The following TFRC variants were observed in gnomAD, a reference collection of about 807,000 sequenced individuals.
TFRC encodes transferrin receptor.
In TFRC, 35 loss-of-function variants were observed where a neutral mutation model predicts 85.8. The ratio of observed to expected loss-of-function variants is 0.41; its 90% confidence interval spans 0.31 to 0.54. The LOEUF is 0.54. Among genes scored for constraint, TFRC ranks in the 20% least tolerant of loss-of-function variants. The pLI, the probability that TFRC is intolerant of heterozygous loss-of-function variation, is 0.31. For missense variants in TFRC, 828 were observed against 921.5 expected (o/e 0.90, Z 1.31); for synonymous variants, 362 against 328.6 (o/e 1.10, Z -1.10).
At chr3:196,069,640 T>G in intron 6 of TFRC, 72 bp from the exon 7 acceptor site, 1 of 982,164 alleles carries the variant, frequency 1.0e-6, no homozygotes, top group Non-Finnish European at 1.5e-6. Context: ...GACAGAAGAG[T>G]GTTATAGATC....
intron 16 of TFRC, among the ~76,000 whole-genome samples, chr3:196,057,501 G>C (rs191581595): frequency 6.6e-6 from 1 of 152,216 alleles, no homozygotes; most frequent in East Asian, 1.9e-4. Flanking sequence ...TCTTTAACTC[G>C]GTGTCTGAGG....
At chr3:196,065,781 G>C (rs1717690909) in intron 9 of TFRC, among the ~76,000 whole-genome samples, 181 bp from the exon 10 acceptor site, 1 of 152,054 alleles carries the variant, frequency 6.6e-6, no homozygotes, top group Admixed American at 6.6e-5. Flanking sequence ...CACAAGGTCA[G>C]GAGTTCAAGA....
At chr3:196,070,272 T>C (rs889037875) in intron 6 of TFRC, among the ~76,000 whole-genome samples, 3 of 152,052 alleles carry the variant, frequency 2.0e-5, no homozygotes, top group African/African-American at 7.3e-5. Flanking sequence ...GTGATTTTTT[T>C]TTTTTTTTTG....
In TFRC at chr3:196,065,549, C is replaced by A; in HGVS notation, c.1092G>T (p.Arg364Ser). 6.2e-7 allele frequency: 1 copy of A among 1,612,550 alleles called. No homozygotes were observed. Among genetic ancestry groups the A allele is most frequent in the Admixed American group, 1.7e-5 (1 of 59,856 alleles). Residue 364 changes from arginine to serine, a missense_variant, in exon 10 of 19, where the codon AGG (arginine) becomes AGT (serine). Coordinates refer to ENST00000360110, the MANE Select transcript of TFRC (RefSeq NM_001128148.3). Reference protein sequence around the residue: ...PSDWKTDSTCRMVTSESKNVK... With the variant: ...PSDWKTDSTCSMVTSESKNVK... ...CATTCTTGCTTTCTGAGGTTACCAT[C>A]CTACATGTAGAGTCTGTTTTCCAGT...
At chr3:196,063,362 CTAAAA>C (rs1252545871) in intron 11 of TFRC, 1 of 152,952 alleles carries the variant, frequency 6.5e-6, no homozygotes, top group Non-Finnish European at 1.5e-5. Flanking sequence ...AAAAATAATT[CTAAAA>C]TAAAATAAAA....
At position 196,049,759 on chromosome 3, in the gene TFRC, T is replaced by A. The variant is rs41299376; in HGVS notation, c.*2183A>T. The stretch of plus-strand genomic sequence containing the variant: ...GAACCAGGAATCTCAGCTATGACCT[T>A]TTCACTTAGCTACGCTAAATGTCAG... On this transcript the variant is annotated 3_prime_UTR_variant, in exon 19 of 19. Transcript: ENST00000360110. The A allele has an allele frequency of 0.018, 4,145 of 230,220 alleles. 50 individuals are homozygous for A. The highest frequency in any genetic ancestry group is 0.027 in the Non-Finnish European group (3,108 of 116,136). The allele number at this position is 230,220 out of a possible 1,614,324, so 14.3% of individuals were successfully genotyped here. A position where few individuals can be genotyped will look rare whatever the true frequency, so the allele number is the denominator to read the frequency against.
intron 2 of TFRC, among the ~76,000 whole-genome samples, chr3:196,075,571 T>G (rs1414105475): frequency 6.6e-6 from 1 of 152,082 alleles, no homozygotes; most frequent in African/African-American, 2.4e-5. Context: ...TGTAAATTTT[T>G]TTTTTTTTTT....
intron 5 of TFRC, 44 bp from the exon 6 acceptor site, chr3:196,071,542 CA>C (rs760526518): frequency 6.5e-7 from 1 of 1,544,104 alleles, no homozygotes; most frequent in South Asian, 1.1e-5. Context: ...GTCATCCTTC[CA>C]AAAAACACAA....
At chr3:196,070,473 G>T (rs1042506660) in intron 6 of TFRC, among the ~76,000 whole-genome samples, 11 of 152,114 alleles carry the variant, frequency 7.2e-5, no homozygotes, top group African/African-American at 2.2e-4. Context: ...GGCCAGGCTG[G>T]TAGCTCTGAC....
intron 3 of TFRC, 106 bp downstream of exon 3, chr3:196,075,046 CAAAAAAA>C (rs56119775): frequency 1.1e-5 from 6 of 535,672 alleles, no homozygotes; most frequent in African/African-American, 9.4e-5. Context: ...CCTCTGTCTC[CAAAAAAA>C]AAAAAAAAAA....
Position 196,049,651 on chromosome 3 carries a change from G to T in TFRC, c.*2291C>A, listed in dbSNP as rs1260357756. 4 of 227,528 alleles carry T rather than the reference G, an allele frequency of 1.8e-5. No individual in the cohort carries two copies. Among genetic ancestry groups the T allele is most frequent in the Non-Finnish European group, 1.7e-5 (2 of 114,594 alleles). The allele number at this position is 227,528 out of a possible 1,614,324, so 14.1% of individuals were successfully genotyped here. ...GGGTTTTCTGAAGAGACTCACTGCTGCAAAATGCATGCCCTGTATTCATAT... is the reference window on the plus strand; with the variant it reads ...GGGTTTTCTGAAGAGACTCACTGCTTCAAAATGCATGCCCTGTATTCATAT... On this transcript the variant is annotated 3_prime_UTR_variant, in exon 19 of 19. Transcript: ENST00000360110.
chr3:196,075,089 C>T, intron 3 of TFRC, 70 bp downstream of exon 3: 1 of 1,047,834 alleles, frequency 9.5e-7, no homozygotes, highest in Non-Finnish European at 1.5e-6. Flanking sequence ...TAACTATATG[C>T]TGAGCTGACA....
intron 14 of TFRC, 55 bp downstream of exon 14, chr3:196,060,125 A>T: frequency 7.1e-7 from 1 of 1,411,264 alleles, no homozygotes. Context: ...TTTTTATCTC[A>T]GGTTGATTCA....
chr3:196,079,904 T>C (rs953984942), intron 1 of TFRC, among the ~76,000 whole-genome samples: 3 of 152,220 alleles, frequency 2.0e-5, no homozygotes, highest in African/African-American at 7.2e-5. Flanking sequence ...CAAGGCTTCA[T>C]CTCTATGAAG....
In TFRC at chr3:196,073,936, G is replaced by A. The variant is rs765116281; in HGVS notation, c.428C>T (p.Thr143Ile). 1 of 1,612,486 alleles carries A rather than the reference G, an allele frequency of 6.2e-7. No homozygotes were observed. The highest frequency in any genetic ancestry group is 8.5e-7 in the Non-Finnish European group (1 of 1,179,088). ...CACAGCAGCTGGCACTCACTTGATG[G>A]TGCCGGTGAAGTCTGTGCTGTCCAG... Reference protein sequence around the residue: ...EKLDSTDFTGTIKLLNENSYV... With the variant: ...EKLDSTDFTGIIKLLNENSYV... The change falls in exon 4 of 19, where the codon ACC (threonine) becomes ATC (isoleucine). Residue 143 changes from threonine to isoleucine, a missense_variant. Transcript: ENST00000360110.
In TFRC at chr3:196,060,197, C is replaced by T; in HGVS notation, c.1519G>A (p.Glu507Lys). 6.2e-7 allele frequency: 1 copy of T among 1,613,790 alleles called. No homozygotes were observed. Among genetic ancestry groups the T allele is most frequent in the East Asian group, 2.2e-5 (1 of 44,864 alleles). Residue 507 changes from glutamate to lysine, a missense_variant, in exon 14 of 19, where the codon GAG becomes AAG. Transcript: ENST00000360110. ...ATACTCACATTTTGCATTGTTTTCT[C>T]AATAAGCGTATACAACAGTGGGCTG... ...SASPLLYTLI[E>K]KTMQNVKHPV...
At chr3:196,072,218 T>G (rs1227158066) in intron 4 of TFRC, 66 bp from the exon 5 acceptor site, 4 of 1,573,646 alleles carry the variant, frequency 2.5e-6, no homozygotes, top group Non-Finnish European at 3.4e-6. Context: ...AAGTCAAGGA[T>G]TAAACAAATT....
At position 196,062,647 on chromosome 3, in the gene TFRC, T is replaced by C; in HGVS notation, c.1405-2A>G. ...TAAATGCAGGGACGAAAGGTATCCCTAGAAGAGAAGGGAAAACACTAATAA... is the reference window on the plus strand; with the variant it reads ...TAAATGCAGGGACGAAAGGTATCCCCAGAAGAGAAGGGAAAACACTAATAA... On this transcript the variant is annotated splice_acceptor_variant, in intron 12 of 18. Coordinates refer to ENST00000360110, the MANE Select transcript of TFRC (RefSeq NM_001128148.3). LOFTEE classifies it high-confidence loss of function. 1.2e-6 allele frequency: 2 copies of C among 1,604,868 alleles called. No homozygotes were observed. The highest frequency in any genetic ancestry group is 1.7e-6 in the Non-Finnish European group (2 of 1,177,292).
Position 196,062,649 on chromosome 3 carries a change from G to C in TFRC, c.1405-4C>G, listed in dbSNP as rs769830221. On this transcript the variant is annotated splice_polypyrimidine_tract_variant and splice_region_variant and intron_variant, in intron 12 of 18. Transcript: ENST00000360110. The stretch of plus-strand genomic sequence containing the variant: ...AATGCAGGGACGAAAGGTATCCCTA[G>C]AAGAGAAGGGAAAACACTAATAAGT... 6.2e-7 allele frequency: 1 copy of C among 1,602,890 alleles called. No homozygotes were observed. The highest frequency in any genetic ancestry group is 8.5e-7 in the Non-Finnish European group (1 of 1,176,304).
Sources: allele counts gnomAD v4.1 joint callset (sites outside exome capture counted in the v4.1 genomes callset), GRCh38; gene constraint gnomAD v4.1.1; transcripts MANE v1.5; gene names NCBI Gene and HGNC (gene_info 2026-07-23, HGNC 2026-07-21).